The following TRAPPC9 variants were observed in gnomAD, a reference collection of about 807,000 sequenced individuals.
The protein encoded by TRAPPC9 is trafficking protein particle complex subunit 9.
TRAPPC9 carries 83 observed loss-of-function variants against 124.0 expected under a neutral mutation model. The ratio of observed to expected loss-of-function variants is 0.67; its 90% CI spans 0.56 to 0.80. The LOEUF is 0.80. Among genes scored for constraint, TRAPPC9 ranks in the 30% least tolerant of loss-of-function variants. TRAPPC9 has a pLI of 0.00. For synonymous variants in TRAPPC9, 638 were observed against 617.5 expected, an observed-to-expected ratio of 1.03 and a Z score of -0.49; for missense variants, 1,302 against 1,508.3, an observed-to-expected ratio of 0.86 and a Z score of 2.27.
At chr8:139,898,218 G>A (rs1274206471) in intron 20 of TRAPPC9, among the ~76,000 whole-genome samples, 2 of 152,258 alleles carry the variant, frequency 1.3e-5, no homozygotes, top group African/African-American at 4.8e-5. Flanking sequence ...GCACTTGGCA[G>A]GCTGCCCCTT....
At position 140,196,768 on chromosome 8, in the gene TRAPPC9, C is replaced by T. The variant is rs1328460011; in HGVS notation, c.2556+24691G>A. On this transcript the variant is annotated intron_variant, in intron 17 of 22. Coordinates refer to ENST00000438773, the MANE Select transcript of TRAPPC9 (RefSeq NM_001160372.4). ...TGACACTAAAACACACTCAATGATC[C>T]GCTATACAGCTCACACCTGTGACAC... is the stretch of plus-strand genomic sequence containing the variant. 1.1e-4 allele frequency among the ~76,000 whole-genome samples: 17 copies of T among 151,856 alleles called. 1 individual carries two copies. The highest frequency in any genetic ancestry group is 2.1e-4 in the South Asian group (1 of 4,826).
chr8:139,728,501 A>T lies in TRAPPC9; in HGVS notation c.*2560T>A, dbSNP rs1006348900. Among the ~76,000 whole-genome samples the T allele has an allele frequency of 1.3e-5, 2 of 152,196 alleles. No individual in the cohort carries two copies. Among genetic ancestry groups the T allele is most frequent in the African/African-American group, 4.8e-5 (2 of 41,452 alleles). On this transcript the variant is annotated 3_prime_UTR_variant, in exon 23 of 23. Transcript: ENST00000438773. ...GAGGATACTGCGCTGTCACTGAGAC[A>T]CCTGCCCCAGGTCCTCCATCTCAGC...
At position 139,787,927 on chromosome 8, in the gene TRAPPC9, G is replaced by C. The variant is rs897638397; in HGVS notation, c.3056-55725C>G. On this transcript the variant is annotated intron_variant, in intron 21 of 22. Transcript: ENST00000438773. ...AGGGCTACTGTCAGGACCAAATCGG[G>C]TGGGGGCATGAAAGAGCTTTGCAAG... 2.6e-5 allele frequency among the ~76,000 whole-genome samples: 4 copies of C among 152,194 alleles called. No homozygotes were observed. The East Asian group carries it at 5.8e-4, about 22-fold the overall frequency.
chr8:140,029,825 G>C (rs1563702852), intron 17 of TRAPPC9, among the ~76,000 whole-genome samples: 1 of 151,622 alleles, frequency 6.6e-6, no homozygotes, highest in African/African-American at 2.4e-5. Context: ...ATCAAAATCA[G>C]ATAGAAAACT....
At chr8:140,027,791 T>C (rs914838104) in intron 17 of TRAPPC9, among the ~76,000 whole-genome samples, 2 of 152,022 alleles carry the variant, frequency 1.3e-5, no homozygotes, top group Non-Finnish European at 2.9e-5. Flanking sequence ...GGAAGAAGCA[T>C]ATCTTACATG....
chr8:140,437,641 G>A (rs1198085095), intron 3 of TRAPPC9, among the ~76,000 whole-genome samples: 1 of 152,166 alleles, frequency 6.6e-6, no homozygotes. Context: ...GAAAGAATTT[G>A]TTATATTTAA....
intron 21 of TRAPPC9, among the ~76,000 whole-genome samples, chr8:139,882,947 C>T (rs958942453): frequency 2.6e-5 from 4 of 152,196 alleles, no homozygotes; most frequent in African/African-American, 9.6e-5. Context: ...CCCTGAGCCC[C>T]CCTATGAAAA....
chr8:140,274,000 C>G (rs1010048468), intron 15 of TRAPPC9, among the ~76,000 whole-genome samples: 1 of 152,152 alleles, frequency 6.6e-6, no homozygotes, highest in African/African-American at 2.4e-5. Flanking sequence ...CCCCGGCTCC[C>G]CAGGGGATGG....
intron 15 of TRAPPC9, among the ~76,000 whole-genome samples, chr8:140,265,011 G>A (rs937845116): frequency 1.3e-5 from 2 of 152,138 alleles, no homozygotes; most frequent in Non-Finnish European, 2.9e-5. Context: ...CAAAACCCGT[G>A]TTCTCGTCAT....
At chr8:139,954,874 A>G (rs1834876768) in intron 19 of TRAPPC9, among the ~76,000 whole-genome samples, 1 of 152,238 alleles carries the variant, frequency 6.6e-6, no homozygotes, top group Non-Finnish European at 1.5e-5. Context: ...AAAAGGAGCC[A>G]GCTCTGCAGC....
At chr8:139,810,841 G>C (rs1393728706) in intron 21 of TRAPPC9, among the ~76,000 whole-genome samples, 4 of 152,174 alleles carry the variant, frequency 2.6e-5, no homozygotes, top group Admixed American at 6.5e-5. Context: ...ACAGACTCAG[G>C]ATAGGTGGGG....
intron 20 of TRAPPC9, among the ~76,000 whole-genome samples, chr8:139,905,804 G>A (rs1831318916): frequency 6.6e-6 from 1 of 152,132 alleles, no homozygotes; most frequent in East Asian, 1.9e-4. Context: ...AAAGAAAAAA[G>A]GGGTACCCAG....
intron 21 of TRAPPC9, among the ~76,000 whole-genome samples, chr8:139,882,640 G>A (rs973747247): frequency 1.1e-4 from 17 of 152,170 alleles, no homozygotes; most frequent in African/African-American, 3.6e-4. Context: ...TATGGGGAAA[G>A]GGAGTCAGCA....
At chr8:140,041,644 C>G (rs1841282971) in intron 17 of TRAPPC9, among the ~76,000 whole-genome samples, 1 of 152,222 alleles carries the variant, frequency 6.6e-6, no homozygotes, top group Non-Finnish European at 1.5e-5. Context: ...TCACACCATC[C>G]TGGGCCTCAA....
intron 19 of TRAPPC9, among the ~76,000 whole-genome samples, chr8:139,982,004 A>C (rs1021129714): frequency 5.9e-5 from 9 of 152,240 alleles, no homozygotes; most frequent in African/African-American, 1.9e-4. Context: ...TAAAGCATGT[A>C]ATGAGATAAC....
chr8:139,910,304 C>T lies in TRAPPC9; in HGVS notation c.2811-4G>A, dbSNP rs374826041. 541 of 1,614,068 alleles carry T rather than the reference C, an allele frequency of 3.4e-4. 2 individuals carry two copies. In the South Asian group the frequency reaches 5.5e-3, roughly 16 times the overall value. ...CTTGTCCACTTGAATAGCCATTCTA[C>T]GAGAAAGGGGAAAACACAGCAGAGA... On this transcript the variant is annotated splice_polypyrimidine_tract_variant and splice_region_variant and intron_variant, in intron 19 of 22. Coordinates refer to ENST00000438773, the MANE Select transcript of TRAPPC9 (RefSeq NM_001160372.4).
At chr8:139,877,347 C>G (rs778313001) in intron 21 of TRAPPC9, among the ~76,000 whole-genome samples, 1 of 152,198 alleles carries the variant, frequency 6.6e-6, no homozygotes, top group Non-Finnish European at 1.5e-5. Flanking sequence ...TCAAAATAGA[C>G]AGTCAGGGAG....
At chr8:140,157,533 C>A (rs985029708) in intron 17 of TRAPPC9, among the ~76,000 whole-genome samples, 3 of 152,230 alleles carry the variant, frequency 2.0e-5, no homozygotes, top group African/African-American at 4.8e-5. Flanking sequence ...TTCCATGTAA[C>A]ACCATGAGAG....
At chr8:139,851,521 G>A (rs1007205733) in intron 21 of TRAPPC9, among the ~76,000 whole-genome samples, 1 of 152,114 alleles carries the variant, frequency 6.6e-6, no homozygotes, top group African/African-American at 2.4e-5. Flanking sequence ...TATTTCAAAC[G>A]GGGATGAACG....
Sources: allele counts gnomAD v4.1 joint callset (sites outside exome capture counted in the v4.1 genomes callset), GRCh38; gene constraint gnomAD v4.1.1; transcripts MANE v1.5; gene names NCBI Gene and HGNC (gene_info 2026-07-23, HGNC 2026-07-21).